Variants in MCM3 observed in about 807,000 individuals in gnomAD.
MCM3 encodes the protein DNA replication licensing factor MCM3.
Under a neutral mutation model 91.3 loss-of-function variants are expected in MCM3, and 59 were observed. The observed-to-expected ratio is 0.65, with a 90% CI of 0.52 to 0.80. The LOEUF is 0.80. MCM3 is among the 30% of genes least tolerant of loss of function. The pLI is 0.00. For missense variants in MCM3, 919 were observed against 1,035.4 expected, an observed-to-expected ratio of 0.89 and a Z score of 1.54; for synonymous variants, 383 against 379.6, an observed-to-expected ratio of 1.01 and a Z score of -0.10.
At chr6:52,273,132 C>T (rs2128278960) in intron 11 of MCM3, 98 bp downstream of exon 11, 2 of 1,440,922 alleles carry the variant, frequency 1.4e-6, no homozygotes, top group Non-Finnish European at 9.7e-7. Flanking sequence ...ATGGCTTTGA[C>T]CTGGGCATAT....
Position 52,282,657 on chromosome 6 carries a change from A to T in MCM3, c.396T>A (p.Thr132=). The part of the protein sequence containing the change: ...SCVVCVEGIV[T]KCSLVRPKVV... ...GGCCCCCTTTAACCCACTTACATTTAGTGACAATGCCCTCCACACAGACCA... is the reference window on the plus strand; with the variant it reads ...GGCCCCCTTTAACCCACTTACATTTTGTGACAATGCCCTCCACACAGACCA... Residue 132 remains threonine (T), a synonymous_variant, in exon 3 of 17, where the codon ACT becomes ACA. Coordinates refer to ENST00000596288, the MANE Select transcript of MCM3 (RefSeq NM_002388.6). 1 of 1,612,908 alleles carries T rather than the reference A, an allele frequency of 6.2e-7. No homozygotes were observed.
chr6:52,279,227 T>C, intron 5 of MCM3, 134 bp downstream of exon 5: 1 of 731,630 alleles, frequency 1.4e-6, no homozygotes, highest in Non-Finnish European at 2.3e-6. Context: ...ATTGAAGGTA[T>C]CCTGTCTCCC....
intron 4 of MCM3, among the ~76,000 whole-genome samples, 190 bp downstream of exon 4, chr6:52,281,847 AAAATAAAT>A (rs890502265): frequency 3.9e-5 from 6 of 152,182 alleles, no homozygotes; most frequent in African/African-American, 1.2e-4. Flanking sequence ...CTCATCTTTA[AAAATAAAT>A]AAATAAATAA....
Position 52,279,595 on chromosome 6 carries a change from T to A in MCM3, c.536A>T (p.Glu179Val). 4 of 1,610,516 alleles carry A rather than the reference T, an allele frequency of 2.5e-6. No homozygotes were observed. Among genetic ancestry groups the A allele is most frequent in the Non-Finnish European group, 3.4e-6 (4 of 1,177,458 alleles). ...PSSSVYPTKDEENNPLETEYG... is the reference protein window; with the variant it reads ...PSSSVYPTKDVENNPLETEYG... The stretch of plus-strand genomic sequence containing the variant: ...TTCTGTCTCAAGGGGATTGTTCTCC[T>A]CATCCTAGAAAAAGGCACACAGAGG... The change falls in exon 5 of 17, where the codon GAG becomes GTG. Residue 179 changes from glutamate to valine, a missense_variant. Glu to Val is a moderately radical substitution (Grantham distance 121, BLOSUM62 -2). This residue lies in a region of MCM3 where 401 missense variants were observed against 402.7 expected (regional missense o/e 1.00). Coordinates refer to ENST00000596288, the MANE Select transcript of MCM3 (RefSeq NM_002388.6).
Position 52,267,875 on chromosome 6 carries a change from T to C in MCM3, c.2062A>G (p.Lys688Glu), listed in dbSNP as rs780376416. 4.3e-6 allele frequency: 5 copies of C among 1,169,156 alleles called. No individual in the cohort carries two copies. Among genetic ancestry groups the C allele is most frequent in the South Asian group, 3.8e-5 (3 of 78,708 alleles). The allele number at this position is 1,169,156 out of a possible 1,614,324, so 72.4% of individuals were successfully genotyped here. Residue 688 changes from lysine (K) to glutamate (E), a missense_variant, in exon 14 of 17, where the codon AAG (lysine) becomes GAG (glutamate). Around this residue, in one of 3 missense-constraint regions of MCM3, gnomAD observed 285 missense variants for 311.4 expected, o/e 0.92. Coordinates refer to ENST00000596288, the MANE Select transcript of MCM3 (RefSeq NM_002388.6). ...CTTGCCCCACCTTACCTCTTCCTCT[T>C]CTGCTCCTGGTCCTCTTGGCTTTTC... ...EEKSQEDQEQKRKRRKTRQPD... is the reference protein window; with the variant it reads ...EEKSQEDQEQERKRRKTRQPD...
Position 52,272,367 on chromosome 6 carries a change from G to T in MCM3, c.1761C>A (p.Ala587=), listed in dbSNP as rs1765205269. The change falls in exon 12 of 17, where the codon GCC becomes GCA. Residue 587 remains alanine (A), a synonymous_variant. Coordinates refer to ENST00000596288, the MANE Select transcript of MCM3 (RefSeq NM_002388.6). ...GTGAATACTCTTCTGCAATGTAGGT[G>T]GCCGACTCCTGTGTCAGGACAGGCT... is the stretch of plus-strand genomic sequence containing the variant. ...IIKPVLTQES[A]TYIAEEYSRL... 6.2e-7 allele frequency: 1 copy of T among 1,614,058 alleles called. No homozygotes were observed. Among genetic ancestry groups the T allele is most frequent in the African/African-American group, 1.3e-5 (1 of 74,898 alleles).
chr6:52,268,941 G>A, intron 13 of MCM3, 145 bp downstream of exon 13: 1 of 814,846 alleles, frequency 1.2e-6, no homozygotes, highest in Non-Finnish European at 1.9e-6. Context: ...TCAGAGGAAA[G>A]AGTGAGGCAG....
intron 11 of MCM3, 103 bp from the exon 12 acceptor site, chr6:52,272,554 G>A (rs552176263): frequency 4.6e-5 from 59 of 1,278,306 alleles, no homozygotes; most frequent in Admixed American, 1.0e-4. Context: ...ACAAAGCCTA[G>A]AACCCATTAT....
intron 9 of MCM3, among the ~76,000 whole-genome samples, chr6:52,274,142 C>T (rs1279042914): frequency 6.6e-6 from 1 of 152,180 alleles, no homozygotes; most frequent in African/African-American, 2.4e-5. Flanking sequence ...CCACTTTCTA[C>T]TACAGGAACC....
Position 52,282,867 on chromosome 6 carries a change from C to A in MCM3, c.192-6G>T, listed in dbSNP as rs372923486. On this transcript the variant is annotated splice_polypyrimidine_tract_variant and splice_region_variant and intron_variant, in intron 2 of 16. Coordinates refer to ENST00000596288, the MANE Select transcript of MCM3 (RefSeq NM_002388.6). ...CAAAGGCATTGTTCAGAAGCCTGTA[C>A]ATAAGCAAGAGAAAGAAAAATTAGA... 3 of 1,612,356 alleles carry A rather than the reference C, an allele frequency of 1.9e-6. No homozygotes were observed. In the South Asian group the frequency reaches 3.3e-5, roughly 18 times the overall value.
chr6:52,283,378 A>T lies in MCM3; in HGVS notation c.107T>A (p.Val36Asp). Residue 36 changes from valine to aspartate, a missense_variant, in exon 2 of 17, where the codon GTT becomes GAT. Val to Asp is a radical substitution (Grantham distance 152, BLOSUM62 -3). Coordinates refer to ENST00000596288, the MANE Select transcript of MCM3 (RefSeq NM_002388.6). ...EEDQGIYQSKVRELISDNQYR... is the reference protein window; with the variant it reads ...EEDQGIYQSKDRELISDNQYR... ...TTGGTTGTCACTGATCAGCTCCCGA[A>T]CTTTGCTCTGATAAATTCCCTGGTC... The T allele has an allele frequency of 6.2e-7, 1 of 1,614,180 alleles. No individual in the cohort carries two copies. Among genetic ancestry groups the T allele is most frequent in the Non-Finnish European group, 8.5e-7 (1 of 1,180,010 alleles).
intron 3 of MCM3, 49 bp from the exon 4 acceptor site, chr6:52,282,224 T>C (rs753452344): frequency 2.3e-5 from 37 of 1,594,922 alleles, no homozygotes; most frequent in Non-Finnish European, 2.8e-5. Flanking sequence ...TAGACGATGA[T>C]ACAGGTGGAA....
chr6:52,271,918 A>C (rs1451179757), intron 12 of MCM3, among the ~76,000 whole-genome samples: 1 of 152,118 alleles, frequency 6.6e-6, no homozygotes, highest in Non-Finnish European at 1.5e-5. Context: ...AAATATTTAT[A>C]AATATGTACG....
At chr6:52,268,044 T>C in intron 13 of MCM3, 76 bp from the exon 14 acceptor site, 7 of 1,605,952 alleles carry the variant, frequency 4.4e-6, no homozygotes, top group East Asian at 2.2e-5. Context: ...TCCCAGTCCC[T>C]TCTGCATCAT....
At chr6:52,273,668 T>C in intron 10 of MCM3, 74 bp downstream of exon 10, 1 of 1,464,256 alleles carries the variant, frequency 6.8e-7, no homozygotes, top group South Asian at 1.3e-5. Context: ...TACCACCACC[T>C]GGGTTGGGCC....
intron 1 of MCM3, 135 bp from the exon 2 acceptor site, chr6:52,283,541 C>T (rs1290714318): frequency 3.0e-6 from 2 of 671,224 alleles, no homozygotes; most frequent in African/African-American, 1.8e-5. Flanking sequence ...ATGTGCTCAT[C>T]AATTTCTCCC....
At chr6:52,283,218 G>C in intron 2 of MCM3, 76 bp downstream of exon 2, 2 of 1,182,268 alleles carry the variant, frequency 1.7e-6, no homozygotes, top group Non-Finnish European at 2.5e-6. Flanking sequence ...GTCCTCTCCT[G>C]AGAGGCTGTT....
At chr6:52,266,456 C>T (rs10807441) in intron 15 of MCM3, among the ~76,000 whole-genome samples, 155 bp downstream of exon 15, 80,236 of 151,904 alleles carry the variant, frequency 0.53, 21,887 homozygotes, top group Middle Eastern at 0.66. Context: ...CCAAAGTTTC[C>T]CCTGAAGCTC....
chr6:52,278,084 A>AAAAAG, intron 6 of MCM3, among the ~76,000 whole-genome samples: 1 of 150,594 alleles, frequency 6.6e-6, no homozygotes, highest in African/African-American at 2.4e-5. Context: ...AAAAAAAAAA[A>AAAAAG]AAAAAAAAAA....
Sources: allele counts gnomAD v4.1 joint callset (sites outside exome capture counted in the v4.1 genomes callset), GRCh38; gene constraint gnomAD v4.1.1; regional missense constraint gnomAD v4.1.1; transcripts MANE v1.5; gene names NCBI Gene and HGNC (gene_info 2026-07-23, HGNC 2026-07-21).